FJX1: variants seen among roughly 807,000 people sequenced by gnomAD.
FJX1 encodes four-jointed box protein 1.
Under a neutral mutation model 28.7 loss-of-function variants are expected in FJX1, and 21 were observed. The ratio of observed to expected loss-of-function variants is 0.73; its 90% CI spans 0.52 to 1.05. The LOEUF (loss-of-function observed/expected upper bound fraction) is 1.05, where lower values mean the gene tolerates loss of function less well. Among genes scored for constraint, FJX1 ranks in the 50% least tolerant of loss-of-function variants. FJX1 has a pLI of 0.00. For missense variants in FJX1, 683 were observed against 647.2 expected, an observed-to-expected ratio of 1.06 and a Z score of -0.60; for synonymous variants, 363 against 310.0, an observed-to-expected ratio of 1.17 and a Z score of -1.80.
chr11:35,619,588 G>A lies in FJX1; in HGVS notation c.952G>A (p.Val318Ile), dbSNP rs201811393. 6.2e-7 allele frequency: 1 copy of A among 1,606,844 alleles called. No individual in the cohort carries two copies. The highest frequency in any genetic ancestry group is 1.7e-5 in the Admixed American group (1 of 60,026). The stretch of plus-strand genomic sequence containing the variant: ...CTTCAGCCTGCAGTGGGACCCGCGC[G>A]TCATGCAGCGTGCCACCAGCAACCT... ...NLFSLQWDPR[V>I]MQRATSNLHR... is the part of the protein sequence containing the mutation. Residue 318 changes from valine to isoleucine, a missense_variant, in exon 1 of 1, where the codon GTC (valine) becomes ATC (isoleucine). By Grantham distance (29) the Val-to-Ile change is conservative (BLOSUM62 3). Transcript: ENST00000317811. This position sits in a 1 kb window ranked among gnomAD's most constrained non-coding sequence, Gnocchi z 7.6.
Position 35,619,507 on chromosome 11 carries a change from G to A in FJX1, c.871G>A (p.Asp291Asn), listed in dbSNP as rs1326643954. The change falls in exon 1 of 1, where the codon GAC becomes AAC. Residue 291 changes from aspartate (D) to asparagine (N), a missense_variant. Coordinates refer to ENST00000317811, the MANE Select transcript of FJX1 (RefSeq NM_014344.4). The surrounding 1 kb of genome is among the most constrained non-coding windows in gnomAD (Gnocchi z 7.6). ...AELVDLVQWT[D>N]LILFDYLTAN... ...GCTGGTGGACCTAGTACAATGGACC[G>A]ACTTAATCCTTTTCGACTACCTGAC... The A allele has an allele frequency of 4.4e-6, 7 of 1,599,678 alleles. No individual in the cohort carries two copies. The highest frequency in any genetic ancestry group is 1.3e-5 in the African/African-American group (1 of 75,064).
rs1244338683 is a variant in FJX1, at chr11:35,620,284, C to G, written c.*334C>G. On this transcript the variant is annotated 3_prime_UTR_variant, in exon 1 of 1. Coordinates refer to ENST00000317811, the MANE Select transcript of FJX1 (RefSeq NM_014344.4). ...AGTGGCCGTCCCTGTGGGAGATGCA[C>G]CCCATTCTTGGGCCCCCCCTCATTC... is the stretch of plus-strand genomic sequence containing the variant. 2 of 409,592 alleles carry G rather than the reference C, an allele frequency of 4.9e-6. No individual in the cohort carries two copies. The highest frequency in any genetic ancestry group is 8.8e-6 in the Non-Finnish European group (2 of 226,188). The allele number at this position is 409,592 out of a possible 1,614,324, so 25.4% of individuals were successfully genotyped here.
At position 35,619,450 on chromosome 11, in the gene FJX1, G is replaced by A. The variant is rs200057673; in HGVS notation, c.814G>A (p.Gly272Arg). 1.3e-6 allele frequency: 2 copies of A among 1,598,744 alleles called. No homozygotes were observed. The highest frequency in any genetic ancestry group is 2.2e-5 in the South Asian group (2 of 91,080). The change falls in exon 1 of 1, where the codon GGG becomes AGG. Residue 272 changes from glycine to arginine, a missense_variant. Gly to Arg is a moderately radical substitution (Grantham distance 125, BLOSUM62 -2). Transcript: ENST00000317811. The surrounding 1 kb of genome is among the most constrained non-coding windows in gnomAD (Gnocchi z 7.6). ...CCGTCTGCGCCCCCTCCGGGATGCC[G>A]GGGGTGAGCTGGCCAACCTCAGCCA... ...DGRLRPLRDA[G>R]GELANLSQAE...
chr11:35,618,731 C>T lies in FJX1; in HGVS notation c.95C>T (p.Pro32Leu). 8.0e-7 allele frequency: 1 copy of T among 1,256,942 alleles called. No individual in the cohort carries two copies. Among genetic ancestry groups the T allele is most frequent in the Middle Eastern group, 3.1e-4 (1 of 3,236 alleles). 77.9% of individuals were successfully genotyped at this position (1,256,942 alleles called of 1,614,324 possible). ...LLALWGGLLP[P>L]RTELPASRPP... The stretch of plus-strand genomic sequence containing the variant: ...GCGCTGTGGGGAGGGCTCCTGCCGC[C>T]GCGGACCGAGCTGCCCGCCTCCCGG... The change falls in exon 1 of 1, where the codon CCG becomes CTG. Residue 32 changes from proline to leucine, a missense_variant. Transcript: ENST00000317811. This position sits in a 1 kb window ranked among gnomAD's most constrained non-coding sequence, Gnocchi z 4.2.
At position 35,619,076 on chromosome 11, in the gene FJX1, C is replaced by T; in HGVS notation, c.440C>T (p.Ala147Val). ...GCCCAGGCGGCGGCGTGGCTGGAGG[C>T]GGCTCGCGGCGCCCGGATGGTGGCC... is the stretch of plus-strand genomic sequence containing the variant. Reference protein sequence around the residue: ...SEAQAAAWLEAARGARMVALE... With the variant: ...SEAQAAAWLEVARGARMVALE... The change falls in exon 1 of 1, where the codon GCG becomes GTG. Residue 147 changes from alanine to valine, a missense_variant. Physicochemically the swap from Ala to Val is moderately conservative, Grantham distance 64 (BLOSUM62 0). Transcript: ENST00000317811. This position sits in a 1 kb window ranked among gnomAD's most constrained non-coding sequence, Gnocchi z 7.6. The T allele has an allele frequency of 3.4e-6, 5 of 1,480,192 alleles. No individual in the cohort carries two copies. Among genetic ancestry groups the T allele is most frequent in the Non-Finnish European group, 4.4e-6 (5 of 1,127,828 alleles). 91.7% of individuals were successfully genotyped at this position (1,480,192 alleles called of 1,614,324 possible). A position where few individuals can be genotyped will look rare whatever the true frequency, so the allele number is the denominator to read the frequency against.
chr11:35,618,877 CG>C lies in FJX1; in HGVS notation c.244del (p.Ala82ArgfsTer159). 1 of 1,371,696 alleles carries C rather than the reference CG, an allele frequency of 7.3e-7. No individual in the cohort carries two copies. The highest frequency in any genetic ancestry group is 9.4e-7 in the Non-Finnish European group (1 of 1,066,566). 85.0% of individuals were successfully genotyped at this position (1,371,696 alleles called of 1,614,324 possible). Reference protein sequence around the residue: ...DARGGSLKTFRALLTLAAGAD... With the variant: ...DARGGSLKTFXALLTLAAGAD... ...CCGCGGCGGCTCCCTGAAAACTTTCCGGGCGCTGCTCACCCTGGCGGCCGGC... is the reference window on the plus strand; with the variant it reads ...CCGCGGCGGCTCCCTGAAAACTTTCCGGCGCTGCTCACCCTGGCGGCCGGC... On this transcript the variant is annotated frameshift_variant, in exon 1 of 1. Coordinates refer to ENST00000317811, the MANE Select transcript of FJX1 (RefSeq NM_014344.4). LOFTEE classifies it high-confidence loss of function. The surrounding 1 kb of genome is among the most constrained non-coding windows in gnomAD (Gnocchi z 4.2).
rs1184496467 is a variant in FJX1 at position 35,618,993 on chromosome 11, CG to C, written c.362del (p.Gly121AlafsTer120). On this transcript the variant is annotated frameshift_variant, in exon 1 of 1. Transcript: ENST00000317811. LOFTEE classifies it high-confidence loss of function. This position sits in a 1 kb window ranked among gnomAD's most constrained non-coding sequence, Gnocchi z 4.2. ...PRPEESAAVH[G>X]GVFWSRGLEE... ...GGCCGGAGGAGAGCGCCGCGGTGCA[CG>C]GGGGCGTCTTCTGGAGCCGCGGCCT... The C allele has an allele frequency of 4.1e-6, 6 of 1,475,904 alleles. No homozygotes were observed. The highest frequency in any genetic ancestry group is 1.3e-5 in the South Asian group (1 of 76,414). The allele number at this position is 1,475,904 out of a possible 1,614,324, so 91.4% of individuals were successfully genotyped here.
rs930183960 is a variant in FJX1 at position 35,618,888 on chromosome 11, C to T, written c.252C>T (p.Leu84=). 3.1e-5 allele frequency: 43 copies of T among 1,385,476 alleles called. No homozygotes were observed. The highest frequency in any genetic ancestry group is 3.4e-5 in the Non-Finnish European group (37 of 1,073,808). The allele number at this position is 1,385,476 out of a possible 1,614,324, so 85.8% of individuals were successfully genotyped here. ...GGSLKTFRAL[L]TLAAGADGPP... ...CCCTGAAAACTTTCCGGGCGCTGCT[C>T]ACCCTGGCGGCCGGCGCGGACGGCC... Residue 84 remains leucine (L), a synonymous_variant, in exon 1 of 1, where the codon CTC becomes CTT. Coordinates refer to ENST00000317811, the MANE Select transcript of FJX1 (RefSeq NM_014344.4). This position sits in a 1 kb window ranked among gnomAD's most constrained non-coding sequence, Gnocchi z 4.2.
Position 35,619,290 on chromosome 11 carries a change from G to A in FJX1, c.654G>A (p.Arg218=), listed in dbSNP as rs1054248103. 13 of 1,558,028 alleles carry A rather than the reference G, an allele frequency of 8.3e-6. No homozygotes were observed. Among genetic ancestry groups the A allele is most frequent in the Admixed American group, 1.9e-5 (1 of 53,526 alleles). Residue 218 remains arginine (R), a synonymous_variant, in exon 1 of 1, where the codon CGG becomes CGA. Coordinates refer to ENST00000317811, the MANE Select transcript of FJX1 (RefSeq NM_014344.4). This position sits in a 1 kb window ranked among gnomAD's most constrained non-coding sequence, Gnocchi z 7.6. ...TGGCACTGGCTCGGGTGGAGGCTCG[G>A]GGCGCGCAGTGGGCGCAGGTGCAGG... ...PPLALARVEA[R]GAQWAQVQEE...
chr11:35,620,388 C>T lies in FJX1; in HGVS notation c.*438C>T. 3.6e-6 allele frequency: 1 copy of T among 274,052 alleles called. No homozygotes were observed. The highest frequency in any genetic ancestry group is 7.4e-6 in the Non-Finnish European group (1 of 134,480). The allele number at this position is 274,052 out of a possible 1,614,324, so 17.0% of individuals were successfully genotyped here. The stretch of plus-strand genomic sequence containing the variant: ...TTCTACCAAACAGAGCGCTGGTGGC[C>T]CCGGAGCAGGGCTGTGACATTGGCT... On this transcript the variant is annotated 3_prime_UTR_variant, in exon 1 of 1. Transcript: ENST00000317811.
At position 35,618,746 on chromosome 11, in the gene FJX1, C is replaced by A. The variant is rs760024909; in HGVS notation, c.110C>A (p.Pro37His). The A allele has an allele frequency of 7.9e-7, 1 of 1,261,106 alleles. No individual in the cohort carries two copies. The highest frequency in any genetic ancestry group is 2.1e-5 in the South Asian group (1 of 46,812). 78.1% of individuals were successfully genotyped at this position (1,261,106 alleles called of 1,614,324 possible). Residue 37 changes from proline (P) to histidine (H), a missense_variant, in exon 1 of 1, where the codon CCC becomes CAC. Coordinates refer to ENST00000317811, the MANE Select transcript of FJX1 (RefSeq NM_014344.4). This position sits in a 1 kb window ranked among gnomAD's most constrained non-coding sequence, Gnocchi z 4.2. The part of the protein sequence containing the change: ...GGLLPPRTEL[P>H]ASRPPEDRLP... ...CTCCTGCCGCCGCGGACCGAGCTGC[C>A]CGCCTCCCGGCCGCCCGAAGACCGA... is the stretch of plus-strand genomic sequence containing the variant.
In FJX1 at chr11:35,619,122, G is replaced by A; in HGVS notation, c.486G>A (p.Gly162=). Residue 162 remains glycine (G), a synonymous_variant, in exon 1 of 1, where the codon GGG becomes GGA. Transcript: ENST00000317811. The surrounding 1 kb of genome is among the most constrained non-coding windows in gnomAD (Gnocchi z 7.6). ...TGGCCCTGGAGCGCGGGGGTTGCGG[G>A]CGCAGCTCCAACCGACTGGCCCGTT... The part of the protein sequence containing the change: ...RMVALERGGC[G]RSSNRLARFA... 1 of 1,544,870 alleles carries A rather than the reference G, an allele frequency of 6.5e-7. No homozygotes were observed. The highest frequency in any genetic ancestry group is 8.6e-7 in the Non-Finnish European group (1 of 1,157,642).
In FJX1 at chr11:35,619,493, T is replaced by C; in HGVS notation, c.857T>C (p.Leu286Pro). Residue 286 changes from leucine to proline, a missense_variant, in exon 1 of 1, where the codon CTA becomes CCA. Coordinates refer to ENST00000317811, the MANE Select transcript of FJX1 (RefSeq NM_014344.4). This position sits in a 1 kb window ranked among gnomAD's most constrained non-coding sequence, Gnocchi z 7.6. ...CTCAGCCAGGCGGAGCTGGTGGACC[T>C]AGTACAATGGACCGACTTAATCCTT... ...ANLSQAELVD[L>P]VQWTDLILFD... The C allele has an allele frequency of 6.3e-7, 1 of 1,599,494 alleles. No homozygotes were observed. Among genetic ancestry groups the C allele is most frequent in the Admixed American group, 1.7e-5 (1 of 60,034 alleles).
rs370789301 is a variant in FJX1, at chr11:35,619,404, G to C, written c.768G>C (p.Ala256=). The change falls in exon 1 of 1, where the codon GCG becomes GCC. Residue 256 remains alanine (A), a synonymous_variant. Transcript: ENST00000317811. The surrounding 1 kb of genome is among the most constrained non-coding windows in gnomAD (Gnocchi z 7.6). ...ACCTCACGGACGTGGTGGTGCCCGC[G>C]CCCTGGCGCTCGGAGGACGGCCGTC... is the stretch of plus-strand genomic sequence containing the variant. ...LPNLTDVVVP[A]PWRSEDGRLR... 3 of 1,596,160 alleles carry C rather than the reference G, an allele frequency of 1.9e-6. No homozygotes were observed. In the African/African-American group the frequency reaches 4.0e-5, roughly 21 times the overall value.
chr11:35,618,688 G>T lies in FJX1; in HGVS notation c.52G>T (p.Ala18Ser). The T allele has an allele frequency of 8.0e-7, 1 of 1,251,832 alleles. No homozygotes were observed. The highest frequency in any genetic ancestry group is 2.2e-5 in the South Asian group (1 of 45,564). 77.5% of individuals were successfully genotyped at this position (1,251,832 alleles called of 1,614,324 possible). Residue 18 changes from alanine to serine, a missense_variant, in exon 1 of 1, where the codon GCG becomes TCG. Transcript: ENST00000317811. This position sits in a 1 kb window ranked among gnomAD's most constrained non-coding sequence, Gnocchi z 4.2. The part of the protein sequence containing the change: ...AAATAGLWLL[A>S]LGSLLALWGG... ...CGCCACCGCGGGGCTCTGGCTGCTG[G>T]CGCTGGGCTCGCTGCTGGCGCTGTG... is the stretch of plus-strand genomic sequence containing the variant.
chr11:35,619,575 G>A lies in FJX1; in HGVS notation c.939G>A (p.Gln313=). ...TCGTAAGCAACCTCTTCAGCCTGCA[G>A]TGGGACCCGCGCGTCATGCAGCGTG... ...DRLVSNLFSL[Q]WDPRVMQRAT... is the part of the protein sequence containing the mutation. Residue 313 remains glutamine, a synonymous_variant, in exon 1 of 1, where the codon CAG becomes CAA. Coordinates refer to ENST00000317811, the MANE Select transcript of FJX1 (RefSeq NM_014344.4). This position sits in a 1 kb window ranked among gnomAD's most constrained non-coding sequence, Gnocchi z 7.6. 5 of 1,605,094 alleles carry A rather than the reference G, an allele frequency of 3.1e-6. No homozygotes were observed. The highest frequency in any genetic ancestry group is 1.3e-5 in the African/African-American group (1 of 75,068).
At position 35,619,053 on chromosome 11, in the gene FJX1, C is replaced by G. The variant is rs1565388541; in HGVS notation, c.417C>G (p.Ala139=). 1 of 1,468,096 alleles carries G rather than the reference C, an allele frequency of 6.8e-7. No homozygotes were observed. Among genetic ancestry groups the G allele is most frequent in the South Asian group, 1.4e-5 (1 of 73,178 alleles). The allele number at this position is 1,468,096 out of a possible 1,614,324, so 90.9% of individuals were successfully genotyped here. Residue 139 remains alanine (A), a synonymous_variant, in exon 1 of 1, where the codon GCC becomes GCG. Coordinates refer to ENST00000317811, the MANE Select transcript of FJX1 (RefSeq NM_014344.4). The surrounding 1 kb of genome is among the most constrained non-coding windows in gnomAD (Gnocchi z 7.6). ...EEQVPPGFSE[A]QAAAWLEAAR... is the part of the protein sequence containing the mutation. ...AGGTGCCCCCGGGCTTTTCGGAGGC[C>G]CAGGCGGCGGCGTGGCTGGAGGCGG...
rs1222696568 is a variant in FJX1 at position 35,619,717 on chromosome 11, T to C, written c.1081T>C (p.Leu361=). ...GMWDKYNEPL[L]QSVCVFRERT... ...GTGGGACAAGTATAACGAGCCGCTG[T>C]TGCAGTCAGTGTGCGTGTTCCGCGA... Residue 361 remains leucine (L), a synonymous_variant, in exon 1 of 1, where the codon TTG becomes CTG. Transcript: ENST00000317811. This position sits in a 1 kb window ranked among gnomAD's most constrained non-coding sequence, Gnocchi z 7.6. The C allele has an allele frequency of 4.4e-6, 7 of 1,589,650 alleles. No homozygotes were observed. The highest frequency in any genetic ancestry group is 6.0e-6 in the Non-Finnish European group (7 of 1,169,456).
In FJX1 at chr11:35,618,791, G is replaced by A. The variant is rs1014490349; in HGVS notation, c.155G>A (p.Arg52Gln). 52 of 1,249,750 alleles carry A rather than the reference G, an allele frequency of 4.2e-5. No individual in the cohort carries two copies. Among genetic ancestry groups the A allele is most frequent in the Non-Finnish European group, 4.9e-5 (49 of 998,390 alleles). 77.4% of individuals were successfully genotyped at this position (1,249,750 alleles called of 1,614,324 possible). A position where few individuals can be genotyped will look rare whatever the true frequency, so the allele number is the denominator to read the frequency against. The change falls in exon 1 of 1, where the codon CGG becomes CAG. Residue 52 changes from arginine to glutamine, a missense_variant. By Grantham distance (43) the Arg-to-Gln change is conservative (BLOSUM62 1). Coordinates refer to ENST00000317811, the MANE Select transcript of FJX1 (RefSeq NM_014344.4). The surrounding 1 kb of genome is among the most constrained non-coding windows in gnomAD (Gnocchi z 4.2). Reference sequence around the variant, plus strand: ...GACCGACTCCCACGGCGCCCGGCCCGGAGCGGCGGCCCCGCGCCCGCGCCT... The same window carrying A: ...GACCGACTCCCACGGCGCCCGGCCCAGAGCGGCGGCCCCGCGCCCGCGCCT... The part of the protein sequence containing the change: ...PEDRLPRRPA[R>Q]SGGPAPAPRF...
Sources: gnomAD v4.1 joint callset for allele counts on GRCh38, gnomAD v4.1.1 for gene constraint, Gnocchi (gnomAD v3.1) non-coding constraint, MANE v1.5 for transcripts, NCBI Gene and HGNC (gene_info 2026-07-23, HGNC 2026-07-21) for gene names.